BCKDHB: variants seen among roughly 807,000 people sequenced by gnomAD.
BCKDHB encodes branched chain keto acid dehydrogenase E1 subunit beta.
Under a neutral mutation model 48.5 loss-of-function variants are expected in BCKDHB, and 41 were observed. The ratio of observed to expected loss-of-function variants is 0.85; its 90% confidence interval spans 0.66 to 1.10. BCKDHB has a LOEUF of 1.10. BCKDHB is among the 50% of genes least tolerant of loss of function. The pLI is 0.00. For synonymous variants in BCKDHB, 201 were observed against 174.8 expected (o/e 1.15, Z -1.18); for missense variants, 496 against 494.2 (o/e 1.00, Z -0.03).
At chr6:80,275,993 G>A (rs543911088) in intron 9 of BCKDHB, among the ~76,000 whole-genome samples, 1 of 152,084 alleles carries the variant, frequency 6.6e-6, no homozygotes, top group African/African-American at 2.4e-5. Context: ...GATATTGAAA[G>A]CCAACTTTCT....
At position 80,242,818 on chromosome 6, in the gene BCKDHB, G is replaced by T. The variant is rs1027195178; in HGVS notation, c.952-30317G>T. 5.3e-5 allele frequency among the ~76,000 whole-genome samples: 8 copies of T among 151,854 alleles called. No homozygotes were observed. In the East Asian group the frequency reaches 1.5e-3, roughly 29 times the overall value. ...ACATCTGGGGTATAATAGTCCACTG[G>T]TACTGGGGCATCAGGCTAAATAGAT... On this transcript the variant is annotated intron_variant, in intron 8 of 9. Coordinates refer to ENST00000320393, the MANE Select transcript of BCKDHB (RefSeq NM_183050.4).
At chr6:80,276,006 G>A (rs1763317766) in intron 9 of BCKDHB, among the ~76,000 whole-genome samples, 1 of 151,912 alleles carries the variant, frequency 6.6e-6, no homozygotes, top group Non-Finnish European at 1.5e-5. Context: ...AACTTTCTGG[G>A]ACAGCAGAGA....
rs1772040847 is a variant in BCKDHB, at chr6:80,156,247, C to T, written c.344-11431C>T. Among the ~76,000 whole-genome samples the T allele has an allele frequency of 3.3e-5, 5 of 151,812 alleles. No homozygotes were observed. The South Asian group carries it at 1.0e-3, about 32-fold the overall frequency. Reference sequence around the variant, plus strand: ...GTCATCTGAATCATTTGCCATGCAACTAGATACTACCACATGGTAAAATTA... The same window carrying T: ...GTCATCTGAATCATTTGCCATGCAATTAGATACTACCACATGGTAAAATTA... On this transcript the variant is annotated intron_variant, in intron 3 of 9. Coordinates refer to ENST00000320393, the MANE Select transcript of BCKDHB (RefSeq NM_183050.4).
At chr6:80,257,574 A>C (rs903369915) in intron 8 of BCKDHB, among the ~76,000 whole-genome samples, 1 of 151,990 alleles carries the variant, frequency 6.6e-6, no homozygotes, top group African/African-American at 2.4e-5. Flanking sequence ...GAGGGGATTT[A>C]TTAAGGGGTT....
rs930708659 is a variant in BCKDHB, at chr6:80,169,034, T to C, written c.633+4T>C. The stretch of plus-strand genomic sequence containing the variant: ...TGCCCATTGCCCAGGAATCAAGGTA[T>C]GTTCATTTATGTACTTTATTTGATT... On this transcript the variant is annotated splice_donor_region_variant and intron_variant, in intron 5 of 9. Transcript: ENST00000320393. 2 of 1,613,124 alleles carry C rather than the reference T, an allele frequency of 1.2e-6. No individual in the cohort carries two copies. Among genetic ancestry groups the C allele is most frequent in the Non-Finnish European group, 1.7e-6 (2 of 1,179,096 alleles).
chr6:80,171,475 A>G (rs1170632252), intron 6 of BCKDHB, 85 bp downstream of exon 6: 14 of 763,240 alleles, frequency 1.8e-5, no homozygotes, highest in East Asian at 1.2e-4. Flanking sequence ...TTTTTTTTCT[A>G]TATGGTTGAT....
intron 7 of BCKDHB, 85 bp downstream of exon 7, chr6:80,201,116 A>C: frequency 8.5e-7 from 1 of 1,171,592 alleles, no homozygotes; most frequent in Non-Finnish European, 1.3e-6. Flanking sequence ...AAAATTGAAA[A>C]CGATGTTTTC....
At chr6:80,233,935 C>T (rs915313043) in intron 8 of BCKDHB, among the ~76,000 whole-genome samples, 67 of 152,142 alleles carry the variant, frequency 4.4e-4, no homozygotes, top group Admixed American at 1.7e-3. Flanking sequence ...GACTGGAAGA[C>T]AATTTTTCCA....
chr6:80,213,743 C>A (rs1775049139), intron 8 of BCKDHB, among the ~76,000 whole-genome samples: 1 of 148,916 alleles, frequency 6.7e-6, no homozygotes, highest in South Asian at 2.1e-4. Flanking sequence ...CTCCATTTTT[C>A]TCTCCAGCTC....
intron 8 of BCKDHB, among the ~76,000 whole-genome samples, chr6:80,220,333 CCTTCAGTTGTTACGGGTATATACA>C (rs1775371009): frequency 1.1e-4 from 2 of 17,972 alleles, no homozygotes; most frequent in Non-Finnish European, 1.4e-4. Flanking sequence ...CATGTATTTT[CCTTCAGTTGTTACGGGTATATACA>C]TTTTTTTCAA....
At chr6:80,212,416 C>G (rs986603735) in intron 8 of BCKDHB, among the ~76,000 whole-genome samples, 2 of 152,068 alleles carry the variant, frequency 1.3e-5, no homozygotes, top group South Asian at 2.1e-4. Context: ...TTTATAGGCT[C>G]TCTGCAAGAA....
At chr6:80,137,694 G>A (rs571218946) in intron 3 of BCKDHB, among the ~76,000 whole-genome samples, 8 of 152,126 alleles carry the variant, frequency 5.3e-5, no homozygotes, top group Admixed American at 4.6e-4. Flanking sequence ...CATACCTTGG[G>A]GGGTACCACT....
At chr6:80,206,833 T>C (rs975672035) in intron 8 of BCKDHB, among the ~76,000 whole-genome samples, 6 of 151,846 alleles carry the variant, frequency 4.0e-5, no homozygotes, top group Non-Finnish European at 8.8e-5. Context: ...TCTCTAACAG[T>C]ATCTAAAAAA....
At chr6:80,268,950 G>A (rs964935828) in intron 8 of BCKDHB, among the ~76,000 whole-genome samples, 7 of 152,048 alleles carry the variant, frequency 4.6e-5, no homozygotes, top group Middle Eastern at 3.2e-3. Context: ...TCTGGGATGT[G>A]ATCAAGTATA....
the BCKDHB span, among the ~76,000 whole-genome samples, chr6:80,365,230 A>ACC: frequency 6.6e-6 from 1 of 152,218 alleles, no homozygotes; most frequent in African/African-American, 2.4e-5. Context: ...TCAGTGGTGC[A>ACC]TGTATTGTCT....
intron 8 of BCKDHB, among the ~76,000 whole-genome samples, chr6:80,212,206 G>A (rs940260910): frequency 1.3e-5 from 2 of 152,060 alleles, no homozygotes; most frequent in South Asian, 2.1e-4. Context: ...TTACCAGGGC[G>A]GAGTTTTTCC....
chr6:80,116,296 A>G (rs1315416365), intron 1 of BCKDHB, among the ~76,000 whole-genome samples: 1 of 152,160 alleles, frequency 6.6e-6, no homozygotes, highest in Non-Finnish European at 1.5e-5. Context: ...TGAATGTGAC[A>G]TTGGTAGGTC....
intron 3 of BCKDHB, among the ~76,000 whole-genome samples, chr6:80,154,620 G>T (rs1771949774): frequency 2.0e-5 from 3 of 151,928 alleles, no homozygotes; most frequent in Admixed American, 2.0e-4. Flanking sequence ...AACAAAAGAA[G>T]ACCTAAATTT....
chr6:80,373,058 T>C, the BCKDHB span, among the ~76,000 whole-genome samples: 5 of 152,094 alleles, frequency 3.3e-5, no homozygotes, highest in Non-Finnish European at 7.4e-5. Context: ...ATAAAATTCA[T>C]CTGTGAATCC....
Sources: allele counts gnomAD v4.1 joint callset (sites outside exome capture counted in the v4.1 genomes callset), GRCh38; gene constraint gnomAD v4.1.1; transcripts MANE v1.5; gene names NCBI Gene and HGNC (gene_info 2026-07-23, HGNC 2026-07-21).